The following SNTG1 variants were observed in gnomAD, a reference collection of about 807,000 sequenced individuals.
SNTG1 encodes the protein gamma-1-syntrophin.
In SNTG1, 39 loss-of-function variants were observed where a neutral mutation model predicts 74.7. The ratio of observed to expected loss-of-function variants is 0.52; its 90% CI spans 0.40 to 0.68. SNTG1 has a LOEUF of 0.68. SNTG1 is among the 30% of genes least tolerant of loss of function. The pLI is 0.00. For synonymous variants in SNTG1, 254 were observed against 217.1 expected (o/e 1.17, Z -1.49); for missense variants, 685 against 609.5 (o/e 1.12, Z -1.30).
chr8:50,150,188 T>C (rs2082017674), intron 1 of SNTG1, among the ~76,000 whole-genome samples: 2 of 151,132 alleles, frequency 1.3e-5, no homozygotes, highest in African/African-American at 4.9e-5. Flanking sequence ...GATTTGGTTC[T>C]CTGTTTGTCT....
At chr8:50,601,156 A>T (rs1487051024) in intron 13 of SNTG1, among the ~76,000 whole-genome samples, 3 of 127,086 alleles carry the variant, frequency 2.4e-5, no homozygotes, top group African/African-American at 9.8e-5. Context: ...GCGAGACAAA[A>T]AAAAAAAAAA....
intron 12 of SNTG1, among the ~76,000 whole-genome samples, chr8:50,568,650 A>G (rs2094529614): frequency 6.6e-6 from 1 of 152,088 alleles, no homozygotes; most frequent in Non-Finnish European, 1.5e-5. Context: ...AGAAATATCT[A>G]TTTAGGTCTT....
rs16914274 is a variant in SNTG1 at position 50,090,753 on chromosome 8, C to A, written c.-102-81808C>A. Among the ~76,000 whole-genome samples the A allele has an allele frequency of 5.3e-3, 807 of 152,104 alleles. 11 individuals carry two copies. The highest frequency in any genetic ancestry group is 0.018 in the African/African-American group (762 of 41,498). On this transcript the variant is annotated intron_variant, in intron 1 of 18. Coordinates refer to ENST00000642720, the MANE Select transcript of SNTG1 (RefSeq NM_018967.5). ...AAGATGGGTACTTGGGCAGACAATACAATCAGGAAGAGCCATTATATCTCT... is the reference window on the plus strand; with the variant it reads ...AAGATGGGTACTTGGGCAGACAATAAAATCAGGAAGAGCCATTATATCTCT...
At chr8:49,967,130 C>T (rs1476376075) in intron 1 of SNTG1, among the ~76,000 whole-genome samples, 1 of 152,214 alleles carries the variant, frequency 6.6e-6, no homozygotes, top group African/African-American at 2.4e-5. Context: ...ATCCTCATAA[C>T]AGTCCTTCGA....
At chr8:50,602,848 G>A (rs1229531485) in intron 13 of SNTG1, among the ~76,000 whole-genome samples, 1 of 150,226 alleles carries the variant, frequency 6.7e-6, no homozygotes, top group Admixed American at 6.6e-5. Context: ...GGCCTGTCAG[G>A]TTTCCACTGA....
At chr8:50,008,488 A>AT (rs1815462775) in intron 1 of SNTG1, among the ~76,000 whole-genome samples, 1 of 152,116 alleles carries the variant, frequency 6.6e-6, no homozygotes, top group African/African-American at 2.4e-5. Context: ...TTTATTACGG[A>AT]GATTTTTTTA....
At chr8:50,200,541 C>G (rs1056505742) in intron 2 of SNTG1, among the ~76,000 whole-genome samples, 1 of 152,154 alleles carries the variant, frequency 6.6e-6, no homozygotes, top group South Asian at 2.1e-4. Context: ...TCTGCTCTCT[C>G]TTAAAATCTG....
intron 2 of SNTG1, among the ~76,000 whole-genome samples, chr8:50,276,060 A>T (rs1314968772): frequency 2.0e-5 from 3 of 152,152 alleles, no homozygotes; most frequent in Non-Finnish European, 4.4e-5. Flanking sequence ...TTGAATCTCT[A>T]CATATTTTAT....
At chr8:50,624,320 CA>C (rs58970596) in intron 13 of SNTG1, among the ~76,000 whole-genome samples, 7,415 of 140,278 alleles carry the variant, frequency 0.053, 283 homozygotes, top group African/African-American at 0.12. Context: ...GAAAGAAAAA[CA>C]AAAAAAAAAA....
chr8:50,403,682 G>A (rs140160395), intron 4 of SNTG1, among the ~76,000 whole-genome samples: 1 of 152,174 alleles, frequency 6.6e-6, no homozygotes, highest in East Asian at 1.9e-4. Flanking sequence ...AGCTCAGAGT[G>A]CTAGGAATAA....
intron 15 of SNTG1, among the ~76,000 whole-genome samples, chr8:50,688,144 T>C (rs2095361043): frequency 6.6e-6 from 1 of 152,210 alleles, no homozygotes; most frequent in Admixed American, 6.5e-5. Context: ...TCATTGAAGA[T>C]TCTGTATATT....
rs998639511 is a variant in SNTG1, at chr8:50,724,291, T to C, written c.1284+15313T>C. 6.7e-4 allele frequency among the ~76,000 whole-genome samples: 102 copies of C among 152,256 alleles called. 1 individual carries two copies. The highest frequency in any genetic ancestry group is 1.9e-4 in the Non-Finnish European group (13 of 68,000). On this transcript the variant is annotated intron_variant, in intron 17 of 18. Transcript: ENST00000642720. ...CAAATGATTTTAAGTAAGGAATCTC[T>C]GTTTGGGAAAGGGGTGGGTGTCGGA...
chr8:50,074,313 T>C (rs186942219), intron 1 of SNTG1, among the ~76,000 whole-genome samples: 20 of 152,326 alleles, frequency 1.3e-4, no homozygotes, highest in Non-Finnish European at 2.6e-4. Flanking sequence ...TCAGCCTTCA[T>C]AGAATTGAGA....
At chr8:50,121,290 G>A (rs1586365571) in intron 1 of SNTG1, among the ~76,000 whole-genome samples, 1 of 141,326 alleles carries the variant, frequency 7.1e-6, no homozygotes, top group East Asian at 2.0e-4. Flanking sequence ...TCTGAGTTTT[G>A]GTTTCCATAT....
At chr8:50,186,252 G>A (rs754830073) in intron 2 of SNTG1, among the ~76,000 whole-genome samples, 5 of 152,046 alleles carry the variant, frequency 3.3e-5, no homozygotes, top group Non-Finnish European at 7.4e-5. Context: ...ATATATCATT[G>A]ATGTGCATTT....
chr8:49,993,532 T>C (rs531956416), intron 1 of SNTG1, among the ~76,000 whole-genome samples: 111 of 152,252 alleles, frequency 7.3e-4, no homozygotes, highest in Admixed American at 6.5e-4. Flanking sequence ...ACATTAGGTA[T>C]TTGTACTAAT....
intron 1 of SNTG1, among the ~76,000 whole-genome samples, chr8:50,171,379 C>A (rs4873414): frequency 2.0e-5 from 3 of 151,832 alleles, no homozygotes; most frequent in Non-Finnish European, 4.4e-5. Context: ...GATGTTCAAG[C>A]GCAGGAAGCA....
chr8:49,924,302 A>T (rs1806821563), intron 1 of SNTG1, among the ~76,000 whole-genome samples: 1 of 152,218 alleles, frequency 6.6e-6, no homozygotes, highest in Non-Finnish European at 1.5e-5. Context: ...AAAGTTTGTT[A>T]GAAAATCTGT....
intron 1 of SNTG1, among the ~76,000 whole-genome samples, chr8:50,038,796 C>T (rs1406998564): frequency 4.6e-5 from 7 of 152,288 alleles, no homozygotes; most frequent in Admixed American, 1.3e-4. Context: ...TTGATGCTCT[C>T]TTATAATAGT....
Sources: allele counts gnomAD v4.1 joint callset (sites outside exome capture counted in the v4.1 genomes callset), GRCh38; gene constraint gnomAD v4.1.1; transcripts MANE v1.5; gene names NCBI Gene and HGNC (gene_info 2026-07-23, HGNC 2026-07-21).